Variants in AGBL4 observed in about 807,000 individuals in gnomAD.
The protein encoded by AGBL4 is AGBL carboxypeptidase 4, also known as cytosolic carboxypeptidase 6.
AGBL4 carries 58 observed loss-of-function variants against 66.4 expected under a neutral mutation model. That is an observed-to-expected ratio of 0.87 (90% CI 0.71 to 1.09). The LOEUF is 1.09. Among genes scored for constraint, AGBL4 ranks in the 50% least tolerant of loss-of-function variants. AGBL4 has a pLI of 0.00. For synonymous variants in AGBL4, 234 were observed against 222.9 expected (o/e 1.05, Z -0.44); for missense variants, 579 against 631.0 (o/e 0.92, Z 0.88).
chr1:49,936,920 A>G (rs2148280759), intron 1 of AGBL4, among the ~76,000 whole-genome samples: 1 of 152,350 alleles, frequency 6.6e-6, no homozygotes, highest in Admixed American at 6.5e-5. Flanking sequence ...GCTAGGAAGA[A>G]ACTGCATCAA....
At chr1:49,522,474 G>T (rs1042353581) in intron 3 of AGBL4, among the ~76,000 whole-genome samples, 2 of 152,036 alleles carry the variant, frequency 1.3e-5, no homozygotes, top group African/African-American at 2.4e-5. Context: ...GGGAATATTT[G>T]ATTAATATCT....
chr1:48,598,137 G>A (rs1569945295), intron 9 of AGBL4, among the ~76,000 whole-genome samples: 1 of 152,304 alleles, frequency 6.6e-6, no homozygotes, highest in East Asian at 1.9e-4. Flanking sequence ...GGGCCTTGAA[G>A]GCCAGGGTTA....
At chr1:49,205,707 C>G (rs1648079879) in intron 4 of AGBL4, among the ~76,000 whole-genome samples, 1 of 152,054 alleles carries the variant, frequency 6.6e-6, no homozygotes, top group Non-Finnish European at 1.5e-5. Flanking sequence ...GTGACCCTAA[C>G]AGCTTTTTAA....
At chr1:49,177,516 A>C (rs1038407804) in intron 4 of AGBL4, among the ~76,000 whole-genome samples, 13 of 152,182 alleles carry the variant, frequency 8.5e-5, no homozygotes, top group African/African-American at 3.1e-4. Flanking sequence ...ACTGAGGCCC[A>C]CAACAGCAAA....
chr1:49,094,606 T>G (rs1645059893), intron 4 of AGBL4, among the ~76,000 whole-genome samples: 2 of 152,124 alleles, frequency 1.3e-5, no homozygotes, highest in Admixed American at 6.5e-5. Context: ...TTATTGAGGA[T>G]TTTTGCATCG....
chr1:49,199,968 G>A (rs12036714), intron 4 of AGBL4, among the ~76,000 whole-genome samples: 65,816 of 152,012 alleles, frequency 0.43, 16,876 homozygotes, highest in Non-Finnish European at 0.58. Context: ...GTGACTACTT[G>A]ATGCTGGAGG....
intron 2 of AGBL4, among the ~76,000 whole-genome samples, chr1:49,813,904 G>A (rs757033631): frequency 6.6e-6 from 1 of 152,116 alleles, no homozygotes; most frequent in Non-Finnish European, 1.5e-5. Context: ...CCAGTGGGAG[G>A]TAACTGAATC....
At position 49,177,466 on chromosome 1, in the gene AGBL4, CA is replaced by C. The variant is rs200102138; in HGVS notation, c.377+68303del. ...AAAGCACTTTCATGGTGATCCTCCA[CA>C]AATCAATGGGTTTGACATGCCTATT... On this transcript the variant is annotated intron_variant, in intron 4 of 13. Transcript: ENST00000371839. Among the ~76,000 whole-genome samples the C allele has an allele frequency of 8.5e-5, 13 of 152,282 alleles. No homozygotes were observed. In the East Asian group the frequency reaches 2.1e-3, roughly 25 times the overall value.
At chr1:49,411,533 G>A (rs1166646771) in intron 3 of AGBL4, among the ~76,000 whole-genome samples, 1 of 152,102 alleles carries the variant, frequency 6.6e-6, no homozygotes, top group Non-Finnish European at 1.5e-5. Flanking sequence ...ATCACAGAAA[G>A]TTAAAGCATT....
chr1:48,764,873 C>T (rs1042020998), intron 6 of AGBL4, among the ~76,000 whole-genome samples: 1 of 152,192 alleles, frequency 6.6e-6, no homozygotes, highest in South Asian at 2.1e-4. Flanking sequence ...GGACTGCCTG[C>T]TGGCTTCTGC....
intron 3 of AGBL4, among the ~76,000 whole-genome samples, chr1:49,476,388 G>A (rs959245546): frequency 1.5e-4 from 23 of 152,080 alleles, no homozygotes; most frequent in Middle Eastern, 3.4e-3. Context: ...TGAGGTTGTT[G>A]GGTGGATTAT....
At chr1:48,650,997 C>A (rs1322938200) in intron 8 of AGBL4, among the ~76,000 whole-genome samples, 3 of 152,174 alleles carry the variant, frequency 2.0e-5, no homozygotes, top group Non-Finnish European at 4.4e-5. Flanking sequence ...AGTAGTGTGG[C>A]TGGCCTAGGG....
intron 3 of AGBL4, among the ~76,000 whole-genome samples, chr1:49,547,000 T>G (rs1652541671): frequency 6.6e-6 from 1 of 152,258 alleles, no homozygotes; most frequent in Non-Finnish European, 1.5e-5. Context: ...CAAAAGCTCT[T>G]TAGTTTAATT....
intron 3 of AGBL4, among the ~76,000 whole-genome samples, chr1:49,526,834 T>C (rs904533422): frequency 1.3e-5 from 2 of 152,156 alleles, no homozygotes; most frequent in Admixed American, 6.5e-5. Flanking sequence ...TGGTATCTAA[T>C]TGACCAGTAA....
chr1:49,781,477 G>A (rs1036463844), intron 2 of AGBL4, among the ~76,000 whole-genome samples: 4 of 151,976 alleles, frequency 2.6e-5, no homozygotes, highest in African/African-American at 9.7e-5. Context: ...CCCCTTACAA[G>A]AGAACTCCAA....
intron 5 of AGBL4, among the ~76,000 whole-genome samples, chr1:48,909,661 C>CG (rs1203934946): frequency 6.6e-6 from 1 of 151,874 alleles, no homozygotes; most frequent in Non-Finnish European, 1.5e-5. Context: ...TCAACTTGCT[C>CG]GGGAAAAAAA....
At chr1:49,580,596 C>T (rs1571096955) in intron 3 of AGBL4, among the ~76,000 whole-genome samples, 3 of 152,266 alleles carry the variant, frequency 2.0e-5, no homozygotes, top group East Asian at 3.9e-4. Flanking sequence ...GTAATAAAGT[C>T]CCTCAGCATT....
intron 5 of AGBL4, among the ~76,000 whole-genome samples, chr1:49,008,838 A>G (rs1662105096): frequency 6.6e-6 from 1 of 151,992 alleles, no homozygotes; most frequent in Non-Finnish European, 1.5e-5. Flanking sequence ...ACGAGAACAA[A>G]GACACAACAT....
At chr1:49,827,720 G>C (rs1645547379) in intron 2 of AGBL4, among the ~76,000 whole-genome samples, 1 of 152,118 alleles carries the variant, frequency 6.6e-6, no homozygotes, top group African/African-American at 2.4e-5. Context: ...GTTCAATAGG[G>C]TGTAAATAAA....
Sources: allele counts gnomAD v4.1 joint callset (sites outside exome capture counted in the v4.1 genomes callset), GRCh38; gene constraint gnomAD v4.1.1; transcripts MANE v1.5; gene names NCBI Gene and HGNC (gene_info 2026-07-23, HGNC 2026-07-21).